Variants in NTRK2 observed in about 807,000 individuals in gnomAD.
NTRK2 encodes BDNF/NT-3 growth factors receptor.
A neutral mutation model predicts 94.5 loss-of-function variants in NTRK2; 13 were observed. That is an observed-to-expected ratio of 0.14 (90% CI 0.09 to 0.22). The LOEUF (loss-of-function observed/expected upper bound fraction) is 0.22. Among genes scored for constraint, NTRK2 ranks in the 10% least tolerant of loss-of-function variants. The pLI is 1.00. For missense variants in NTRK2, 639 were observed against 1,071.2 expected (o/e 0.60, Z 5.63); for synonymous variants, 372 against 407.4 (o/e 0.91, Z 1.05).
At chr9:84,960,284 T>C (rs1027693837) in intron 17 of NTRK2, among the ~76,000 whole-genome samples, 1 of 152,122 alleles carries the variant, frequency 6.6e-6, no homozygotes, top group Non-Finnish European at 1.5e-5. Flanking sequence ...AGTGGCCAGA[T>C]GAACAGATAT....
chr9:84,926,169 C>CCTTCCTTGCTTT (rs2077790007), intron 14 of NTRK2, among the ~76,000 whole-genome samples: 1 of 38,514 alleles, frequency 2.6e-5, no homozygotes, highest in Admixed American at 3.1e-4. Context: ...TTCCTTCCTT[C>CCTTCCTTGCTTT]CTTTCTTTCT....
chr9:84,769,695 A>G (rs2066347185), intron 12 of NTRK2, among the ~76,000 whole-genome samples: 1 of 152,226 alleles, frequency 6.6e-6, no homozygotes, highest in African/African-American at 2.4e-5. Context: ...CAGTCTGAGC[A>G]GGGTCTGTGC....
chr9:84,810,347 A>G (rs567058155), intron 12 of NTRK2, among the ~76,000 whole-genome samples: 53 of 152,320 alleles, frequency 3.5e-4, no homozygotes, highest in African/African-American at 1.2e-3. Flanking sequence ...AAGTTGCTCA[A>G]TAATGAGATG....
chr9:84,959,678 A>G (rs1417219882), intron 17 of NTRK2, among the ~76,000 whole-genome samples: 1 of 152,156 alleles, frequency 6.6e-6, no homozygotes, highest in African/African-American at 2.4e-5. Flanking sequence ...TCTAGCATTT[A>G]TGTTCTCTGA....
At chr9:85,017,203 G>A (rs142093727) in intron 17 of NTRK2, among the ~76,000 whole-genome samples, 7 of 152,228 alleles carry the variant, frequency 4.6e-5, no homozygotes, top group East Asian at 3.9e-4. Context: ...GAGAGTGAAG[G>A]TTCCAGAGAA....
chr9:84,981,711 A>G (rs960917462), intron 17 of NTRK2, among the ~76,000 whole-genome samples: 3 of 152,208 alleles, frequency 2.0e-5, no homozygotes, highest in Non-Finnish European at 4.4e-5. Context: ...ATAGCATTTT[A>G]CTTTGGCTAT....
At chr9:84,669,523 A>G, upstream of NTRK2, 1 of 152,436 alleles carries the variant, frequency 6.6e-6, no homozygotes, top group East Asian at 1.9e-4. This position sits in a 1 kb window ranked among gnomAD's most constrained non-coding sequence, Gnocchi z 4.1. Flanking sequence ...GCGTGTGTGA[A>G]CTCCCACATG....
At chr9:84,882,389 G>C (rs1439518156) in intron 14 of NTRK2, among the ~76,000 whole-genome samples, 3 of 152,200 alleles carry the variant, frequency 2.0e-5, no homozygotes, top group Non-Finnish European at 4.4e-5. Flanking sequence ...GATTCCAAAT[G>C]GTAAAGGCCA....
At chr9:84,864,008 G>A (rs1345862727) in intron 13 of NTRK2, among the ~76,000 whole-genome samples, 5 of 152,184 alleles carry the variant, frequency 3.3e-5, no homozygotes, top group African/African-American at 1.2e-4. Context: ...CCCTTAGTGA[G>A]GAAGGAGAAG....
chr9:84,950,705 C>A (rs1053776451), intron 16 of NTRK2, among the ~76,000 whole-genome samples: 1 of 152,268 alleles, frequency 6.6e-6, no homozygotes, highest in African/African-American at 2.4e-5. Context: ...TTCACCTGCC[C>A]TTGCTGGGCA....
At chr9:84,989,231 T>C (rs1249905941) in intron 17 of NTRK2, among the ~76,000 whole-genome samples, 4 of 152,244 alleles carry the variant, frequency 2.6e-5, no homozygotes, top group Non-Finnish European at 5.9e-5. Flanking sequence ...ATGCCTTTTG[T>C]TTGAGGCACT....
chr9:85,018,351 A>G (rs1832461434), intron 17 of NTRK2, among the ~76,000 whole-genome samples: 1 of 152,322 alleles, frequency 6.6e-6, no homozygotes, highest in South Asian at 2.1e-4. Flanking sequence ...AGGGGTTAAC[A>G]ATCTTTGAAA....
At chr9:84,888,764 G>C (rs11140797) in intron 14 of NTRK2, among the ~76,000 whole-genome samples, 1 of 149,538 alleles carries the variant, frequency 6.7e-6, no homozygotes, top group Admixed American at 6.7e-5. Flanking sequence ...AAATCCCTAA[G>C]AGGTTGGACC....
At chr9:84,716,271 A>G (rs1350822482) in intron 6 of NTRK2, among the ~76,000 whole-genome samples, 1 of 152,204 alleles carries the variant, frequency 6.6e-6, no homozygotes, top group Non-Finnish European at 1.5e-5. Context: ...CTTTTAATGT[A>G]GAAGCTTTTA....
At chr9:84,885,902 G>A (rs1229966436) in intron 14 of NTRK2, among the ~76,000 whole-genome samples, 1 of 151,984 alleles carries the variant, frequency 6.6e-6, no homozygotes, top group African/African-American at 2.4e-5. Flanking sequence ...TGTGGTGGCG[G>A]CGCCTGTAAT....
chr9:84,777,675 A>G (rs2067181812), intron 12 of NTRK2, among the ~76,000 whole-genome samples: 1 of 152,176 alleles, frequency 6.6e-6, no homozygotes, highest in South Asian at 2.1e-4. Context: ...TCCGCGGTGT[A>G]AACATTCCCA....
chr9:84,957,439 G>C (rs994138960), intron 17 of NTRK2, among the ~76,000 whole-genome samples: 1 of 152,130 alleles, frequency 6.6e-6, no homozygotes, highest in Admixed American at 6.5e-5. Context: ...TCGAAAGTAG[G>C]AGAAGGTTCT....
rs138859656 is a variant in NTRK2, at chr9:84,892,468, G to A, written c.1633+25037G>A. On this transcript the variant is annotated intron_variant, in intron 14 of 18. Coordinates refer to ENST00000277120, the MANE Select transcript of NTRK2 (RefSeq NM_006180.6). ...ATTAACAAAAAGCTTCAAACATACA[G>A]AAGAGTTAAAAGAATTATTCAGTGG... 4.9e-3 allele frequency among the ~76,000 whole-genome samples: 749 copies of A among 152,300 alleles called. 4 individuals are homozygous for A. Among genetic ancestry groups the A allele is most frequent in the Middle Eastern group, 0.01 (3 of 294 alleles).
intron 12 of NTRK2, among the ~76,000 whole-genome samples, chr9:84,803,990 G>A (rs941149143): frequency 2.0e-5 from 3 of 152,044 alleles, no homozygotes; most frequent in African/African-American, 4.8e-5. Flanking sequence ...CAGAGACATC[G>A]GCCACACATA....
Sources: allele counts gnomAD v4.1 joint callset (sites outside exome capture counted in the v4.1 genomes callset), GRCh38; gene constraint gnomAD v4.1.1; non-coding constraint Gnocchi (gnomAD v3.1); transcripts MANE v1.5; gene names NCBI Gene and HGNC (gene_info 2026-07-23, HGNC 2026-07-21).